The following CYP2C19 variants were observed in gnomAD, a reference collection of about 807,000 sequenced individuals.
The protein encoded by CYP2C19 is cytochrome P450 family 2 subfamily C member 19, also known as cytochrome P450 2C19.
CYP2C19 carries 59 observed loss-of-function variants against 40.9 expected under a neutral mutation model. The ratio of observed to expected loss-of-function variants is 1.44; its 90% CI spans 1.17 to 1.79. The LOEUF (loss-of-function observed/expected upper bound fraction) is 1.79. Among genes scored for constraint, CYP2C19 ranks in the 40% most tolerant of loss-of-function variants. The pLI, the probability that CYP2C19 is intolerant of heterozygous loss-of-function variation, is 0.00. For synonymous variants in CYP2C19, 253 were observed against 208.7 expected (o/e 1.21, Z -1.83); for missense variants, 754 against 596.9 (o/e 1.26, Z -2.74).
At chr10:94,789,012 T>A (rs1370298372) in intron 5 of CYP2C19, among the ~76,000 whole-genome samples, 1 of 152,156 alleles carries the variant, frequency 6.6e-6, no homozygotes, top group Non-Finnish European at 1.5e-5. Context: ...ACATCTGTTG[T>A]TTCCTGACTT....
chr10:94,855,435 C>T lies in CYP2C19; in HGVS notation c.*2521C>T, dbSNP rs934837192. On this transcript the variant is annotated 3_prime_UTR_variant, in exon 9 of 9. Transcript: ENST00000371321. ...GCATTTATTTTTATTGTTTGTATTT[C>T]TTCCCTAAAATACATATTTCATATG... Among the ~76,000 whole-genome samples the T allele has an allele frequency of 6.6e-5, 10 of 152,266 alleles. No homozygotes were observed. The highest frequency in any genetic ancestry group is 2.4e-4 in the African/African-American group (10 of 41,574).
intron 6 of CYP2C19, among the ~76,000 whole-genome samples, chr10:94,833,370 CTCAGTATGGTACTAGTAGTAGGTCTG>C (rs1240317441): frequency 6.6e-6 from 1 of 152,120 alleles, no homozygotes; most frequent in Non-Finnish European, 1.5e-5. Context: ...GTTTTCCCCA[CTCAGTATGGTACTAGTAGTAGGTCTG>C]TCATATAGCT....
intron 8 of CYP2C19, 24 bp from the exon 9 acceptor site, chr10:94,852,709 T>C (rs752837674): frequency 1.2e-6 from 2 of 1,612,074 alleles, no homozygotes; most frequent in South Asian, 2.2e-5. Flanking sequence ...AGGAGTAACT[T>C]CTCCCTATGT....
At chr10:94,848,230 G>C (rs988315343) in intron 7 of CYP2C19, among the ~76,000 whole-genome samples, 3 of 151,956 alleles carry the variant, frequency 2.0e-5, no homozygotes, top group Non-Finnish European at 2.9e-5. Context: ...TTAAGTCTTT[G>C]ATCCATCTTG....
intron 7 of CYP2C19, among the ~76,000 whole-genome samples, chr10:94,848,977 G>T (rs1342890542): frequency 6.6e-6 from 1 of 152,136 alleles, no homozygotes; most frequent in Non-Finnish European, 1.5e-5. Flanking sequence ...GAGATTTTGG[G>T]CTGAGACGAT....
At chr10:94,790,345 C>T (rs915754725) in intron 5 of CYP2C19, among the ~76,000 whole-genome samples, 3 of 152,138 alleles carry the variant, frequency 2.0e-5, no homozygotes, top group African/African-American at 7.2e-5. Flanking sequence ...ATTTCTTTCT[C>T]TTGCCTGATT....
chr10:94,839,218 TG>T (rs1849452188), intron 6 of CYP2C19, among the ~76,000 whole-genome samples: 1 of 152,168 alleles, frequency 6.6e-6, no homozygotes, highest in South Asian at 2.1e-4. Context: ...CCATCTCTCT[TG>T]ACCACAAAGA....
chr10:94,827,339 C>T (rs535722810), intron 6 of CYP2C19, among the ~76,000 whole-genome samples: 1 of 151,934 alleles, frequency 6.6e-6, no homozygotes, highest in African/African-American at 2.4e-5. Context: ...ACAATTTCAG[C>T]TCCTGTTATT....
intron 6 of CYP2C19, among the ~76,000 whole-genome samples, chr10:94,830,295 G>A (rs552938193): frequency 2.0e-4 from 31 of 152,356 alleles, no homozygotes; most frequent in African/African-American, 7.2e-4. Context: ...TGCTGTGCTA[G>A]CAATTAGTGA....
intron 6 of CYP2C19, among the ~76,000 whole-genome samples, chr10:94,830,732 C>T (rs943215623): frequency 2.6e-5 from 4 of 152,090 alleles, no homozygotes; most frequent in Non-Finnish European, 5.9e-5. Flanking sequence ...CGTATATGTA[C>T]ATACAGATTT....
intron 7 of CYP2C19, among the ~76,000 whole-genome samples, chr10:94,849,471 G>T (rs1849619823): frequency 1.3e-5 from 2 of 151,816 alleles, no homozygotes; most frequent in South Asian, 4.2e-4. Context: ...AGGACTTTGG[G>T]ATTTTTTTTA....
intron 5 of CYP2C19, among the ~76,000 whole-genome samples, chr10:94,794,002 C>G (rs945521656): frequency 3.3e-5 from 5 of 152,098 alleles, no homozygotes; most frequent in Non-Finnish European, 5.9e-5. Flanking sequence ...GTGCGGTGGT[C>G]TCCACCCAGT....
intron 6 of CYP2C19, among the ~76,000 whole-genome samples, chr10:94,831,087 C>A (rs1389259611): frequency 1.3e-5 from 2 of 152,050 alleles, no homozygotes; most frequent in Admixed American, 1.3e-4. Context: ...TAGTTAAATT[C>A]TTTTTATTTT....
intron 5 of CYP2C19, among the ~76,000 whole-genome samples, chr10:94,786,936 G>A (rs1226103093): frequency 6.6e-6 from 1 of 152,012 alleles, no homozygotes; most frequent in Middle Eastern, 3.2e-3. Flanking sequence ...CTTTGCTATT[G>A]TGAATAGTGC....
At chr10:94,782,585 T>C (rs1360069941) in intron 5 of CYP2C19, among the ~76,000 whole-genome samples, 1 of 152,152 alleles carries the variant, frequency 6.6e-6, no homozygotes, top group Non-Finnish European at 1.5e-5. Flanking sequence ...AGAAATACCA[T>C]TTGACCCAGC....
intron 6 of CYP2C19, among the ~76,000 whole-genome samples, chr10:94,821,442 T>A (rs1485927104): frequency 6.6e-6 from 1 of 152,184 alleles, no homozygotes; most frequent in Admixed American, 6.5e-5. Flanking sequence ...CCTGAAAAAA[T>A]TCCTAGTCTG....
At chr10:94,838,559 C>A (rs112194017) in intron 6 of CYP2C19, among the ~76,000 whole-genome samples, 1 of 152,102 alleles carries the variant, frequency 6.6e-6, no homozygotes, top group South Asian at 2.1e-4. Flanking sequence ...TCTCCTCCTC[C>A]CTCTGCTTGG....
intron 5 of CYP2C19, among the ~76,000 whole-genome samples, chr10:94,791,341 GA>G (rs1276329338): frequency 1.3e-5 from 2 of 151,948 alleles, no homozygotes; most frequent in African/African-American, 4.8e-5. Flanking sequence ...TTAACTTTTT[GA>G]AGGGTTTTCT....
chr10:94,768,547 G>A (rs1848280838), intron 1 of CYP2C19, among the ~76,000 whole-genome samples: 1 of 152,150 alleles, frequency 6.6e-6, no homozygotes, highest in Non-Finnish European at 1.5e-5. Flanking sequence ...TGATATCTAA[G>A]TAGGCAGTTG....
Sources: allele counts gnomAD v4.1 joint callset (sites outside exome capture counted in the v4.1 genomes callset), GRCh38; gene constraint gnomAD v4.1.1; transcripts MANE v1.5; gene names NCBI Gene and HGNC (gene_info 2026-07-23, HGNC 2026-07-21).